The following RUNX1 variants were observed in gnomAD, a reference collection of about 807,000 sequenced individuals.
The protein encoded by RUNX1 is runt-related transcription factor 1.
Under a neutral mutation model 42.8 loss-of-function variants are expected in RUNX1, and 19 were observed. The observed-to-expected ratio is 0.44, with a 90% CI of 0.31 to 0.65. The LOEUF (loss-of-function observed/expected upper bound fraction) is 0.65. Among genes scored for constraint, RUNX1 ranks in the 30% least tolerant of loss-of-function variants. The pLI is 0.07. For synonymous variants in RUNX1, 271 were observed against 289.4 expected, an observed-to-expected ratio of 0.94 and a Z score of 0.64; for missense variants, 528 against 672.0, an observed-to-expected ratio of 0.79 and a Z score of 2.37.
Position 34,788,703 on chromosome 21 carries a change from T to G in RUNX1, c.*3432A>C. ...ATGATCAGCCTCATCAATACTGACCTGGCTAAAAACAAAATTCCCAACAAA... is the reference window on the plus strand; with the variant it reads ...ATGATCAGCCTCATCAATACTGACCGGGCTAAAAACAAAATTCCCAACAAA... On this transcript the variant is annotated 3_prime_UTR_variant, in exon 9 of 9. Transcript: ENST00000675419. 4.3e-6 allele frequency: 1 copy of G among 233,566 alleles called. No individual in the cohort carries two copies. The highest frequency in any genetic ancestry group is 6.1e-5 in the East Asian group (1 of 16,506). The allele number at this position is 233,566 out of a possible 1,614,324, so 14.5% of individuals were successfully genotyped here. A position where few individuals can be genotyped will look rare whatever the true frequency, so the allele number is the denominator to read the frequency against.
chr21:35,003,440 A>G (rs2059060992), intron 2 of RUNX1, among the ~76,000 whole-genome samples: 1 of 152,206 alleles, frequency 6.6e-6, no homozygotes, highest in Non-Finnish European at 1.5e-5. Flanking sequence ...CTACATGCCA[A>G]ACAAATGTAC....
chr21:35,030,029 TGCCTCCTTCTTCCA>T (rs1252537457), intron 2 of RUNX1, among the ~76,000 whole-genome samples: 1 of 152,188 alleles, frequency 6.6e-6, no homozygotes, highest in East Asian at 1.9e-4. Context: ...CTCCTCACAC[TGCCTCCTTCTTCCA>T]GGTAAAAACC....
intron 2 of RUNX1, among the ~76,000 whole-genome samples, chr21:34,998,328 G>A (rs1389131632): frequency 6.6e-6 from 1 of 151,922 alleles, no homozygotes; most frequent in Admixed American, 6.6e-5. Context: ...TTCCTCAGAG[G>A]GACCACACAA....
intron 2 of RUNX1, among the ~76,000 whole-genome samples, chr21:34,924,164 C>T (rs147484500): frequency 4.6e-5 from 7 of 152,328 alleles, no homozygotes; most frequent in Non-Finnish European, 8.8e-5. Context: ...CCCATCAATC[C>T]AACTTGGGAT....
At chr21:34,990,154 C>A (rs934153551) in intron 2 of RUNX1, among the ~76,000 whole-genome samples, 1 of 152,188 alleles carries the variant, frequency 6.6e-6, no homozygotes, top group South Asian at 2.1e-4. Context: ...AATGTCTCTG[C>A]CTGTCAGTTT....
intron 6 of RUNX1, among the ~76,000 whole-genome samples, chr21:34,857,633 C>G (rs963199271): frequency 3.3e-5 from 5 of 152,194 alleles, no homozygotes; most frequent in Non-Finnish European, 7.3e-5. Flanking sequence ...GAGCATTTCT[C>G]TAAGTTTAGT....
intron 2 of RUNX1, among the ~76,000 whole-genome samples, chr21:34,923,876 G>A (rs1011558498): frequency 8.8e-6 from 1 of 113,172 alleles, no homozygotes; most frequent in African/African-American, 4.6e-5. Context: ...CGCTGCTGCT[G>A]AGCCATGTCT....
At position 34,880,710 on chromosome 21, in the gene RUNX1, C is replaced by T. The variant is rs2057890159; in HGVS notation, c.355G>A (p.Val119Met). The T allele has an allele frequency of 6.2e-7, 1 of 1,614,048 alleles. No individual in the cohort carries two copies. Among genetic ancestry groups the T allele is most frequent in the South Asian group, 1.1e-5 (1 of 91,080 alleles). ...CCATCTGGAACATCCCCTAGGGCCA[C>T]CACCTAAACACCAGTCAAAGGACAA... ...NKTLPIAFKV[V>M]ALGDVPDGTL... The change falls in exon 5 of 9, where the codon GTG becomes ATG. Residue 119 changes from valine to methionine, a missense_variant. Around this residue, in one of 3 missense-constraint regions of RUNX1, gnomAD observed 83 missense variants for 174.5 expected, o/e 0.48. Coordinates refer to ENST00000675419, the MANE Select transcript of RUNX1 (RefSeq NM_001754.5).
At position 34,791,746 on chromosome 21, in the gene RUNX1, A is replaced by T. The variant is rs551330927; in HGVS notation, c.*389T>A. 1 of 228,964 alleles carries T rather than the reference A, an allele frequency of 4.4e-6. No homozygotes were observed. Among genetic ancestry groups the T allele is most frequent in the Admixed American group, 5.7e-5 (1 of 17,580 alleles). The allele number at this position is 228,964 out of a possible 1,614,324, so 14.2% of individuals were successfully genotyped here. On this transcript the variant is annotated 3_prime_UTR_variant, in exon 9 of 9. Transcript: ENST00000675419. ...TCTTTGGAATAAACAACTTGGTTAA[A>T]AAGTTAAGTCAAGGGTATAAAATCT...
At chr21:35,001,646 G>A (rs7276237) in intron 2 of RUNX1, among the ~76,000 whole-genome samples, 2,291 of 152,010 alleles carry the variant, frequency 0.015, 55 homozygotes, top group African/African-American at 0.053. Context: ...AATTCTAGCC[G>A]GAGCAATTAA....
At chr21:35,047,755 G>A (rs1469034287) in intron 2 of RUNX1, among the ~76,000 whole-genome samples, 1 of 152,158 alleles carries the variant, frequency 6.6e-6, no homozygotes, top group Non-Finnish European at 1.5e-5. Flanking sequence ...GGGTGCTCAA[G>A]AGAGTTTGTA....
Position 35,005,674 on chromosome 21 carries a change from T to C in RUNX1, c.58+43168A>G, listed in dbSNP as rs371790503. On this transcript the variant is annotated intron_variant, in intron 2 of 8. Transcript: ENST00000675419. ...TCTGCTGGACCGACCCTGATATACC[T>C]GCTCAGCACTCGCCAGCTAGTTGCC... 3.2e-4 allele frequency among the ~76,000 whole-genome samples: 48 copies of C among 152,334 alleles called. 1 individual carries two copies. The South Asian group carries it at 9.7e-3, about 31-fold the overall frequency.
intron 2 of RUNX1, among the ~76,000 whole-genome samples, chr21:34,975,647 A>C (rs2058796188): frequency 6.6e-6 from 1 of 152,184 alleles, no homozygotes; most frequent in South Asian, 2.1e-4. Flanking sequence ...TAAACTTCCT[A>C]AAAGTTGTCC....
At chr21:34,869,275 C>A (rs2057705165) in intron 5 of RUNX1, among the ~76,000 whole-genome samples, 1 of 152,182 alleles carries the variant, frequency 6.6e-6, no homozygotes, top group Non-Finnish European at 1.5e-5. Flanking sequence ...TACACACCAT[C>A]TCGCTTTTAT....
intron 2 of RUNX1, among the ~76,000 whole-genome samples, chr21:34,964,499 AAAAAG>A (rs1211026908): frequency 2.6e-5 from 4 of 151,974 alleles, no homozygotes; most frequent in Non-Finnish European, 5.9e-5. Flanking sequence ...AAAAAAAAAA[AAAAAG>A]AAAAGAAAAG....
At chr21:34,983,083 GTTACAAAGAGAGAAGGCA>G (rs1466048102) in intron 2 of RUNX1, among the ~76,000 whole-genome samples, 2 of 152,142 alleles carry the variant, frequency 1.3e-5, no homozygotes, top group Non-Finnish European at 2.9e-5. Flanking sequence ...TGTCTGGTAG[GTTACAAAGAGAGAAGGCA>G]TTAAATGTGT....
At chr21:34,994,643 A>G (rs1202595449) in intron 2 of RUNX1, among the ~76,000 whole-genome samples, 6 of 152,098 alleles carry the variant, frequency 3.9e-5, no homozygotes, top group South Asian at 4.1e-4. Flanking sequence ...AGGTACCTAC[A>G]TTTACGGGTA....
intron 7 of RUNX1, among the ~76,000 whole-genome samples, chr21:34,823,617 T>C (rs1569027584): frequency 1.3e-5 from 2 of 152,092 alleles, no homozygotes; most frequent in Non-Finnish European, 2.9e-5. Context: ...CTGATTTTTG[T>C]ATTTTTAGTA....
chr21:34,803,156 A>G (rs950222892), intron 7 of RUNX1, among the ~76,000 whole-genome samples: 1 of 152,118 alleles, frequency 6.6e-6, no homozygotes, highest in African/African-American at 2.4e-5. Flanking sequence ...AGGAGATTAA[A>G]TGGTAAAGGG....
Sources: allele counts gnomAD v4.1 joint callset (sites outside exome capture counted in the v4.1 genomes callset), GRCh38; gene constraint gnomAD v4.1.1; regional missense constraint gnomAD v4.1.1; transcripts MANE v1.5; gene names NCBI Gene and HGNC (gene_info 2026-07-23, HGNC 2026-07-21).